Variants in PCDHA10 observed in about 807,000 individuals in gnomAD.
PCDHA10 encodes the protein protocadherin alpha 10, also known as protocadherin alpha-10.
Under a neutral mutation model 61.2 loss-of-function variants are expected in PCDHA10, and 45 were observed. That is an observed-to-expected ratio of 0.74 (90% CI 0.58 to 0.94). The LOEUF (loss-of-function observed/expected upper bound fraction) is 0.94. Ranked by LOEUF, PCDHA10 falls within the 40% of genes least tolerant of loss-of-function variation. PCDHA10 has a pLI of 0.00. For missense variants in PCDHA10, 1,278 were observed against 1,236.2 expected (o/e 1.03, Z -0.51); for synonymous variants, 602 against 548.8 (o/e 1.10, Z -1.35).
chr5:140,923,343 T>C (rs1251719779), intron 1 of PCDHA10, among the ~76,000 whole-genome samples: 1 of 152,122 alleles, frequency 6.6e-6, no homozygotes, highest in African/African-American at 2.4e-5. Flanking sequence ...TTGGGCAACA[T>C]AGTGGGACCC....
At chr5:140,931,853 G>A (rs2087796602) in intron 1 of PCDHA10, among the ~76,000 whole-genome samples, 1 of 151,744 alleles carries the variant, frequency 6.6e-6, no homozygotes, top group African/African-American at 2.4e-5. Context: ...ATAACAACAG[G>A]ATTCTAGAAA....
intron 1 of PCDHA10, among the ~76,000 whole-genome samples, chr5:140,961,059 G>A (rs2095587077): frequency 6.6e-6 from 1 of 152,076 alleles, no homozygotes; most frequent in African/African-American, 2.4e-5. Flanking sequence ...AATGTTGAAT[G>A]GGATATCTGG....
chr5:140,941,191 T>TTTCTTTCTTTCTTTCTTTCTTTC (rs1487503403), intron 1 of PCDHA10, among the ~76,000 whole-genome samples: 1 of 93,206 alleles, frequency 1.1e-5, no homozygotes, highest in South Asian at 2.8e-4. Flanking sequence ...GCTTCTTTTT[T>TTTCTTTCTTTCTTTCTTTCTTTC]TTTCTTTCTT....
chr5:140,930,803 T>C (rs1227085867), intron 1 of PCDHA10, among the ~76,000 whole-genome samples: 2 of 152,222 alleles, frequency 1.3e-5, no homozygotes, highest in Non-Finnish European at 2.9e-5. Context: ...ATCCAGCATA[T>C]AAGATATGCT....
At chr5:140,969,139 C>T (rs1407003944) in intron 1 of PCDHA10, 5 of 1,614,064 alleles carry the variant, frequency 3.1e-6, no homozygotes, top group Non-Finnish European at 4.2e-6. Context: ...CCAAGACCTA[C>T]TGCTACAAGG....
Position 141,009,639 on chromosome 5 carries a change from G to A in PCDHA10, c.2549G>A (p.Gly850Glu). The stretch of plus-strand genomic sequence containing the variant: ...TTTTGTCTTTCAGAACCAGAGGCAG[G>A]AGAAGTGTCCCCTCCAGTCGGTGCG... ...VSSATPEPEA[G>E]EVSPPVGAGV... The change falls in exon 4 of 4, where the codon GGA becomes GAA. Residue 850 changes from glycine to glutamate, a missense_variant. Transcript: ENST00000307360. The A allele has an allele frequency of 6.2e-7, 1 of 1,613,406 alleles. No individual in the cohort carries two copies. The highest frequency in any genetic ancestry group is 8.5e-7 in the Non-Finnish European group (1 of 1,179,594).
At chr5:140,871,425 T>A (rs782021225) in intron 1 of PCDHA10, 7 of 1,613,404 alleles carry the variant, frequency 4.3e-6, no homozygotes, top group Admixed American at 3.3e-5. Flanking sequence ...TCAGCCCCAG[T>A]CTTCCTCTAG....
intron 1 of PCDHA10, among the ~76,000 whole-genome samples, chr5:140,920,387 A>C (rs1163833842): frequency 6.6e-6 from 1 of 152,216 alleles, no homozygotes; most frequent in East Asian, 1.9e-4. Flanking sequence ...TCATATTACC[A>C]TCTGGTGTCT....
At chr5:140,974,108 C>G (rs977903039) in intron 1 of PCDHA10, among the ~76,000 whole-genome samples, 1 of 152,182 alleles carries the variant, frequency 6.6e-6, no homozygotes, top group Non-Finnish European at 1.5e-5. Flanking sequence ...TAAAAGTATT[C>G]TTTTGCAGTG....
chr5:140,977,839 C>G (rs1400370638), intron 1 of PCDHA10, among the ~76,000 whole-genome samples: 1 of 152,176 alleles, frequency 6.6e-6, no homozygotes, highest in South Asian at 2.1e-4. Context: ...ATTGATATTA[C>G]TATGGCTTTG....
chr5:140,896,113 T>A (rs10053583), intron 1 of PCDHA10, among the ~76,000 whole-genome samples: 2,120 of 152,286 alleles, frequency 0.014, 43 homozygotes, highest in African/African-American at 0.049. Flanking sequence ...GCCTGGCCAA[T>A]GTACTGCATT....
At chr5:140,913,092 C>T (rs1293188459) in intron 1 of PCDHA10, among the ~76,000 whole-genome samples, 1 of 152,134 alleles carries the variant, frequency 6.6e-6, no homozygotes, top group Non-Finnish European at 1.5e-5. Flanking sequence ...CAGGATAATA[C>T]TGGCCTCATA....
At chr5:140,927,248 A>G in intron 1 of PCDHA10, 1 of 1,614,064 alleles carries the variant, frequency 6.2e-7, no homozygotes. Flanking sequence ...GACACCAATG[A>G]CAACTCACCT....
rs782141581 is a variant in PCDHA10 at position 140,857,357 on chromosome 5, A to G, written c.1309A>G (p.Thr437Ala). Residue 437 changes from threonine to alanine, a missense_variant, in exon 1 of 4, where the codon ACG becomes GCG. Physicochemically the swap from Thr to Ala is moderately conservative, Grantham distance 58 (BLOSUM62 0). Coordinates refer to ENST00000307360, the MANE Select transcript of PCDHA10 (RefSeq NM_018901.4). ...CGGGGGCTCGCCTCCGCTGTGGGCC[A>G]CGGCCAGCGTGTCTGTGGAGGTGGC... ...RDGGSPPLWA[T>A]ASVSVEVADV... 29 of 1,598,430 alleles carry G rather than the reference A, an allele frequency of 1.8e-5. 3 individuals are homozygous for G. Among genetic ancestry groups the G allele is most frequent in the Non-Finnish European group, 2.5e-5 (29 of 1,167,908 alleles).
intron 1 of PCDHA10, among the ~76,000 whole-genome samples, chr5:140,962,850 G>T (rs2095713419): frequency 6.6e-6 from 1 of 152,104 alleles, no homozygotes; most frequent in African/African-American, 2.4e-5. Flanking sequence ...TATAACTTGT[G>T]CTCGGTTTGT....
chr5:140,894,778 T>C (rs1477645245), intron 1 of PCDHA10, among the ~76,000 whole-genome samples: 1 of 152,140 alleles, frequency 6.6e-6, no homozygotes, highest in Non-Finnish European at 1.5e-5. Flanking sequence ...TTTAGTGTAA[T>C]TATTTGTCCT....
At chr5:140,940,599 C>T (rs1356432549) in intron 1 of PCDHA10, among the ~76,000 whole-genome samples, 2 of 151,918 alleles carry the variant, frequency 1.3e-5, no homozygotes, top group African/African-American at 4.8e-5. Context: ...AGGCATGAGC[C>T]GCTGCTCCTG....
At chr5:140,922,289 G>C (rs1554200767) in intron 1 of PCDHA10, among the ~76,000 whole-genome samples, 1 of 152,222 alleles carries the variant, frequency 6.6e-6, no homozygotes, top group Non-Finnish European at 1.5e-5. Flanking sequence ...ATATGAAAAT[G>C]CTAGGAGAGG....
chr5:140,941,185 C>CTTTTT (rs782102770), intron 1 of PCDHA10, among the ~76,000 whole-genome samples: 1 of 102,242 alleles, frequency 9.8e-6, no homozygotes, highest in African/African-American at 3.6e-5. Context: ...CATCCTGCTT[C>CTTTTT]TTTTTTTTTC....
Sources: allele counts gnomAD v4.1 joint callset (sites outside exome capture counted in the v4.1 genomes callset), GRCh38; gene constraint gnomAD v4.1.1; transcripts MANE v1.5; gene names NCBI Gene and HGNC (gene_info 2026-07-23, HGNC 2026-07-21).